The following LPA variants were observed in gnomAD, a reference collection of about 807,000 sequenced individuals.
LPA encodes the protein lipoprotein(a).
Under a neutral mutation model 197.9 loss-of-function variants are expected in LPA, and 199 were observed. The ratio of observed to expected loss-of-function variants is 1.01; its 90% CI spans 0.90 to 1.13. The LOEUF (loss-of-function observed/expected upper bound fraction) is 1.13, where lower values mean the gene tolerates loss of function less well. LPA is among the 50% of genes most tolerant of loss of function. The pLI, the probability that LPA is intolerant of heterozygous loss-of-function variation, is 0.00. For synonymous variants in LPA, 715 were observed against 639.5 expected, an observed-to-expected ratio of 1.12 and a Z score of -1.78; for missense variants, 1,853 against 1,785.8, an observed-to-expected ratio of 1.04 and a Z score of -0.68.
chr6:160,651,009 T>C (rs898179079), intron 1 of LPA, among the ~76,000 whole-genome samples: 1 of 152,172 alleles, frequency 6.6e-6, no homozygotes, highest in Non-Finnish European at 1.5e-5. Flanking sequence ...TTCTCAGGGA[T>C]AGGTAGATGA....
At chr6:160,576,396 A>ACATATATATATATATATATATATGTG (rs1778674275) in intron 28 of LPA, among the ~76,000 whole-genome samples, 2 of 46,942 alleles carry the variant, frequency 4.3e-5, no homozygotes, top group Admixed American at 2.6e-4. Flanking sequence ...ATATGTATAT[A>ACATATATATATATATATATATATGTG]TATATATATA....
chr6:160,581,941 T>C (rs1463058636), intron 26 of LPA, among the ~76,000 whole-genome samples: 1 of 152,164 alleles, frequency 6.6e-6, no homozygotes, highest in Non-Finnish European at 1.5e-5. Context: ...AATAAAGTTT[T>C]TTTGTTTTGA....
chr6:160,559,617 AT>A (rs1380291298), intron 28 of LPA, among the ~76,000 whole-genome samples: 3 of 152,196 alleles, frequency 2.0e-5, no homozygotes, highest in Non-Finnish European at 4.4e-5. Flanking sequence ...TCGTTTTATC[AT>A]TTTGATCTTC....
At chr6:160,541,044 G>A in intron 35 of LPA, 63 bp downstream of exon 35, 10 of 1,352,740 alleles carry the variant, frequency 7.4e-6, no homozygotes, top group Non-Finnish European at 8.5e-6. Context: ...AAGGGATGGA[G>A]GAAGAGAGGG....
chr6:160,565,954 T>C (rs888387486), intron 28 of LPA, among the ~76,000 whole-genome samples: 2 of 151,804 alleles, frequency 1.3e-5, no homozygotes, highest in African/African-American at 4.8e-5. Context: ...ATGAATGAAA[T>C]GAAGCGAGAA....
chr6:160,567,671 A>G (rs1196493615), intron 28 of LPA, among the ~76,000 whole-genome samples: 1 of 152,232 alleles, frequency 6.6e-6, no homozygotes, highest in Non-Finnish European at 1.5e-5. Flanking sequence ...AGATAGAGAC[A>G]CAAAAAAACC....
chr6:160,608,155 A>G (rs147446174), intron 16 of LPA, among the ~76,000 whole-genome samples: 330 of 152,272 alleles, frequency 2.2e-3, no homozygotes, highest in Non-Finnish European at 3.5e-3. Flanking sequence ...ACATTTGCCA[A>G]TTGCTGGGTT....
intron 23 of LPA, among the ~76,000 whole-genome samples, chr6:160,590,339 C>T (rs748259062): frequency 2.2e-4 from 34 of 152,268 alleles, no homozygotes; most frequent in Non-Finnish European, 4.0e-4. Context: ...AACACAGATA[C>T]GTGTTCCATG....
chr6:160,597,152 C>G (rs912803618), intron 20 of LPA, among the ~76,000 whole-genome samples: 3 of 152,058 alleles, frequency 2.0e-5, no homozygotes, highest in African/African-American at 7.3e-5. Flanking sequence ...CTCGGTAGTT[C>G]GGTATAATGT....
intron 16 of LPA, among the ~76,000 whole-genome samples, chr6:160,611,057 T>C (rs6929299): frequency 0.4 from 60,768 of 151,774 alleles, 12,542 homozygotes; most frequent in African/African-American, 0.49. Context: ...ACCTCTATCC[T>C]TTCAGGCCAC....
intron 26 of LPA, among the ~76,000 whole-genome samples, chr6:160,579,888 A>G (rs1583593418): frequency 6.6e-6 from 1 of 152,212 alleles, no homozygotes; most frequent in Non-Finnish European, 1.5e-5. Context: ...TCAGTTGAGT[A>G]TATTTTCACA....
intron 23 of LPA, among the ~76,000 whole-genome samples, chr6:160,590,392 C>G (rs183954374): frequency 2.0e-5 from 3 of 152,236 alleles, no homozygotes; most frequent in African/African-American, 7.2e-5. Flanking sequence ...TCCATCAAAG[C>G]CTAGGTGTGC....
intron 24 of LPA, among the ~76,000 whole-genome samples, chr6:160,587,624 C>T (rs1181098430): frequency 2.6e-5 from 4 of 152,130 alleles, no homozygotes; most frequent in South Asian, 2.1e-4. Flanking sequence ...GAGCCATCAT[C>T]GCTTCAAGTA....
rs1421825841 is a variant in LPA, at chr6:160,548,481, G to A, written c.5152C>T (p.Gln1718Ter). The stretch of plus-strand genomic sequence containing the variant: ...AGGTAAGACACAGACTTCTTACCTT[G>A]TTCAGAAGGAGGCCCTAGGCTTGGA... ...QVPSLGPPSE[Q>*]DCMFGNGKGY... The change falls in exon 31 of 39, where the codon CAA becomes TAA. Residue 1718 changes from glutamine (Q) to a stop codon, truncating the protein, a stop_gained. Transcript: ENST00000316300. LOFTEE classifies it high-confidence loss of function. 1 of 1,613,900 alleles carries A rather than the reference G, an allele frequency of 6.2e-7. No homozygotes were observed. The highest frequency in any genetic ancestry group is 8.5e-7 in the Non-Finnish European group (1 of 1,179,972).
intron 26 of LPA, among the ~76,000 whole-genome samples, chr6:160,583,987 T>A (rs979955193): frequency 6.6e-6 from 1 of 152,186 alleles, no homozygotes; most frequent in East Asian, 1.9e-4. Flanking sequence ...TTGTCAGACA[T>A]GCATTTTTTT....
At chr6:160,662,255 T>C (rs889850247) in intron 1 of LPA, among the ~76,000 whole-genome samples, 6 of 152,234 alleles carry the variant, frequency 3.9e-5, no homozygotes, top group African/African-American at 1.2e-4. Flanking sequence ...AAAATGTAGA[T>C]GTATATTGCT....
At chr6:160,557,885 A>T (rs1778292601) in intron 28 of LPA, among the ~76,000 whole-genome samples, 1 of 152,102 alleles carries the variant, frequency 6.6e-6, no homozygotes, top group East Asian at 1.9e-4. Context: ...GCATTCCTCC[A>T]GAATAAATGA....
chr6:160,585,100 CA>C lies in LPA; in HGVS notation c.4234del (p.Trp1412GlyfsTer4). On this transcript the variant is annotated frameshift_variant, in exon 26 of 39. Transcript: ENST00000316300. LOFTEE classifies it high-confidence loss of function. Reference protein sequence around the residue: ...TTITGRTCQSWSSMTPHWHRR... With the variant: ...TTITGRTCQSXSSMTPHWHRR... ...ATGCCAATGTGGTGTCATAGACGAC[CA>C]AGACTGACATGTTCTTCCTGTGATA... is the stretch of plus-strand genomic sequence containing the variant. The C allele has an allele frequency of 6.2e-7, 1 of 1,613,786 alleles. No homozygotes were observed. Among genetic ancestry groups the C allele is most frequent in the Non-Finnish European group, 8.5e-7 (1 of 1,179,800 alleles).
intron 2 of LPA, among the ~76,000 whole-genome samples, chr6:160,650,030 G>A (rs569954175): frequency 6.6e-6 from 1 of 152,310 alleles, no homozygotes; most frequent in East Asian, 1.9e-4. Flanking sequence ...ATTTCAAGGG[G>A]TAAAGATCAC....
Sources: allele counts gnomAD v4.1 joint callset (sites outside exome capture counted in the v4.1 genomes callset), GRCh38; gene constraint gnomAD v4.1.1; transcripts MANE v1.5; gene names NCBI Gene and HGNC (gene_info 2026-07-23, HGNC 2026-07-21).